IGF1R: variants seen among roughly 807,000 people sequenced by gnomAD.
IGF1R encodes insulin-like growth factor 1 receptor.
IGF1R carries 44 observed loss-of-function variants against 144.6 expected under a neutral mutation model. The observed-to-expected ratio is 0.30, with a 90% CI of 0.24 to 0.39. The LOEUF (loss-of-function observed/expected upper bound fraction) is 0.39. Among genes scored for constraint, IGF1R ranks in the 10% least tolerant of loss-of-function variants. IGF1R has a pLI of 1.00. For synonymous variants in IGF1R, 795 were observed against 722.8 expected (o/e 1.10, Z -1.60); for missense variants, 1,355 against 1,833.7 (o/e 0.74, Z 4.77).
At chr15:98,768,234 T>C (rs1283327100) in intron 2 of IGF1R, among the ~76,000 whole-genome samples, 1 of 152,192 alleles carries the variant, frequency 6.6e-6, no homozygotes, top group Non-Finnish European at 1.5e-5. Context: ...TTGATTTTAG[T>C]TGATATGTAG....
rs1354021110 is a variant in IGF1R at position 98,648,697 on chromosome 15, G to A, written c.-885G>A. On this transcript the variant is annotated 5_prime_UTR_variant, in exon 1 of 21. Transcript: ENST00000650285. ...GGAGAGCGAGAGGGACGCCGCCAGCGAGCCTGCCCACGGCCGGCGCTCGCA... is the reference window on the plus strand; with the variant it reads ...GGAGAGCGAGAGGGACGCCGCCAGCAAGCCTGCCCACGGCCGGCGCTCGCA... Among the ~76,000 whole-genome samples, 1 of 146,852 alleles carries A rather than the reference G, an allele frequency of 6.8e-6. No homozygotes were observed. Among genetic ancestry groups the A allele is most frequent in the Non-Finnish European group, 1.5e-5 (1 of 66,016 alleles).
intron 2 of IGF1R, among the ~76,000 whole-genome samples, chr15:98,766,726 G>C (rs1460835088): frequency 6.6e-6 from 1 of 152,146 alleles, no homozygotes; most frequent in African/African-American, 2.4e-5. Context: ...GTGGTGGGAC[G>C]CAAGCGTGTT....
At chr15:98,952,536 C>T (rs567741105) in intron 20 of IGF1R, among the ~76,000 whole-genome samples, 1 of 152,308 alleles carries the variant, frequency 6.6e-6, no homozygotes, top group Non-Finnish European at 1.5e-5. Flanking sequence ...AGCTTAGAAA[C>T]AGCCCATGAA....
intron 15 of IGF1R, among the ~76,000 whole-genome samples, chr15:98,933,658 C>G (rs2016029096): frequency 6.6e-6 from 1 of 152,212 alleles, no homozygotes; most frequent in African/African-American, 2.4e-5. Flanking sequence ...CGAATCTAAA[C>G]AGAAACAGAA....
intron 2 of IGF1R, among the ~76,000 whole-genome samples, chr15:98,855,664 C>G (rs1441002716): frequency 6.6e-6 from 1 of 152,142 alleles, no homozygotes; most frequent in African/African-American, 2.4e-5. Context: ...ACGTTTAGAA[C>G]CTGTTGCTTT....
intron 1 of IGF1R, among the ~76,000 whole-genome samples, chr15:98,651,706 G>A (rs1307979578): frequency 3.3e-5 from 5 of 152,208 alleles, no homozygotes; most frequent in Non-Finnish European, 7.3e-5. Context: ...ACAGGCAGGA[G>A]GGAGGGGGTG....
At chr15:98,780,408 C>G (rs1218337894) in intron 2 of IGF1R, among the ~76,000 whole-genome samples, 1 of 151,522 alleles carries the variant, frequency 6.6e-6, no homozygotes, top group Non-Finnish European at 1.5e-5. Context: ...AAATTAGCCA[C>G]AGTGGTGGCG....
rs2141155273 is a variant in IGF1R at position 98,649,663 on chromosome 15, A to T, written c.82A>T (p.Thr28Ser). ...CTCCGCCGCGCTCTCGCTCTGGCCG[A>T]CGAGTGGAGAAAGTGAGTATGTGCC... is the stretch of plus-strand genomic sequence containing the variant. Reference protein sequence around the residue: ...FLSAALSLWPTSGEICGPGID... With the variant: ...FLSAALSLWPSSGEICGPGID... The change falls in exon 1 of 21, where the codon ACG becomes TCG. Residue 28 changes from threonine (T) to serine (S), a missense_variant. Thr to Ser is a moderately conservative substitution (Grantham distance 58). This residue lies in a region of IGF1R where 49 missense variants were observed against 34.7 expected (regional missense o/e 1.41). Coordinates refer to ENST00000650285, the MANE Select transcript of IGF1R (RefSeq NM_000875.5). 1 of 1,608,912 alleles carries T rather than the reference A, an allele frequency of 6.2e-7. No homozygotes were observed. The highest frequency in any genetic ancestry group is 1.3e-5 in the African/African-American group (1 of 74,412).
At chr15:98,881,357 G>A (rs2013364331) in intron 2 of IGF1R, among the ~76,000 whole-genome samples, 1 of 152,220 alleles carries the variant, frequency 6.6e-6, no homozygotes, top group South Asian at 2.1e-4. Flanking sequence ...GTCTCACTCT[G>A]TCACCCAGGC....
At chr15:98,757,143 G>A (rs1483991057) in intron 2 of IGF1R, among the ~76,000 whole-genome samples, 2 of 152,070 alleles carry the variant, frequency 1.3e-5, no homozygotes, top group African/African-American at 4.8e-5. Context: ...TTGTCAAATT[G>A]ACAGTTAATG....
At position 98,958,086 on chromosome 15, in the gene IGF1R, G is replaced by C. The variant is rs947861410; in HGVS notation, c.*644G>C. On this transcript the variant is annotated 3_prime_UTR_variant, in exon 21 of 21. Transcript: ENST00000650285. ...CCGGCGCTGATTCCTCGTGTCCGGA[G>C]GCATGGGTGAGCATGGCAGCTGGTT... 8 of 233,932 alleles carry C rather than the reference G, an allele frequency of 3.4e-5. No homozygotes were observed. Among genetic ancestry groups the C allele is most frequent in the African/African-American group, 1.8e-4 (8 of 45,318 alleles). 14.5% of individuals were successfully genotyped at this position (233,932 alleles called of 1,614,324 possible). A position where few individuals can be genotyped will look rare whatever the true frequency, so the allele number is the denominator to read the frequency against.
Position 98,746,661 on chromosome 15 carries a change from C to A in IGF1R, c.640+38554C>A, listed in dbSNP as rs182585410. Among the ~76,000 whole-genome samples the A allele has an allele frequency of 4.5e-4, 69 of 152,302 alleles. 1 individual carries two copies. The highest frequency in any genetic ancestry group is 1.7e-3 in the African/African-American group (69 of 41,570). On this transcript the variant is annotated intron_variant, in intron 2 of 20. Coordinates refer to ENST00000650285, the MANE Select transcript of IGF1R (RefSeq NM_000875.5). ...TTCCAGACAACATGAACTTGTTCTCCTTTGGTCTCCTTTTCCTTGTCATTG... is the reference window on the plus strand; with the variant it reads ...TTCCAGACAACATGAACTTGTTCTCATTTGGTCTCCTTTTCCTTGTCATTG...
chr15:98,928,898 G>C (rs998577766), intron 13 of IGF1R, among the ~76,000 whole-genome samples: 1 of 152,100 alleles, frequency 6.6e-6, no homozygotes, highest in African/African-American at 2.4e-5. Flanking sequence ...AAGGGGTGCC[G>C]TCCAGTGTGT....
chr15:98,928,366 C>T (rs2015807234), intron 13 of IGF1R, among the ~76,000 whole-genome samples: 1 of 152,210 alleles, frequency 6.6e-6, no homozygotes, highest in African/African-American at 2.4e-5. Flanking sequence ...CCCAATTCTC[C>T]AAGACATGAC....
At chr15:98,734,110 T>C (rs1488865092) in intron 2 of IGF1R, among the ~76,000 whole-genome samples, 1 of 152,212 alleles carries the variant, frequency 6.6e-6, no homozygotes, top group African/African-American at 2.4e-5. Flanking sequence ...AACTAGATGA[T>C]TATTTTCATT....
intron 1 of IGF1R, among the ~76,000 whole-genome samples, chr15:98,652,033 G>C (rs2052381458): frequency 6.6e-6 from 1 of 152,232 alleles, no homozygotes; most frequent in Non-Finnish European, 1.5e-5. Flanking sequence ...AATAAAGACA[G>C]GGTGTTGGTT....
intron 10 of IGF1R, among the ~76,000 whole-genome samples, chr15:98,918,989 G>C (rs2015372375): frequency 6.6e-6 from 1 of 152,176 alleles, no homozygotes; most frequent in Non-Finnish European, 1.5e-5. Flanking sequence ...GCAGGGCTTT[G>C]AATGTGAACC....
At chr15:98,714,412 G>A (rs1045417245) in intron 2 of IGF1R, among the ~76,000 whole-genome samples, 1 of 152,216 alleles carries the variant, frequency 6.6e-6, no homozygotes, top group African/African-American at 2.4e-5. Flanking sequence ...GGGAGGCTGA[G>A]GCAGGAGGAT....
At chr15:98,919,835 G>T (rs1418801404) in intron 10 of IGF1R, among the ~76,000 whole-genome samples, 1 of 152,232 alleles carries the variant, frequency 6.6e-6, no homozygotes, top group Admixed American at 6.5e-5. Context: ...AATCACAGAG[G>T]CTGGCTTTCT....
Sources: allele counts gnomAD v4.1 joint callset (sites outside exome capture counted in the v4.1 genomes callset), GRCh38; gene constraint gnomAD v4.1.1; regional missense constraint gnomAD v4.1.1; transcripts MANE v1.5; gene names NCBI Gene and HGNC (gene_info 2026-07-23, HGNC 2026-07-21).